Variants in RBFOX3 observed in about 807,000 individuals in gnomAD.
The protein encoded by RBFOX3 is RNA binding fox-1 homolog 3.
In RBFOX3, 17 loss-of-function variants were observed where a neutral mutation model predicts 48.7. The ratio of observed to expected loss-of-function variants is 0.35; its 90% CI spans 0.24 to 0.52. The LOEUF (loss-of-function observed/expected upper bound fraction) is 0.52, where lower values mean the gene tolerates loss of function less well. Among genes scored for constraint, RBFOX3 ranks in the 20% least tolerant of loss-of-function variants. The pLI is 0.94. For missense variants in RBFOX3, 382 were observed against 497.5 expected (o/e 0.77, Z 2.21); for synonymous variants, 212 against 209.5 (o/e 1.01, Z -0.10).
intron 3 of RBFOX3, among the ~76,000 whole-genome samples, chr17:79,271,233 G>A (rs1221699517): frequency 6.6e-6 from 1 of 152,112 alleles, no homozygotes; most frequent in Non-Finnish European, 1.5e-5. Flanking sequence ...CCGTCACCAT[G>A]CCCTGCTAAT....
intron 4 of RBFOX3, among the ~76,000 whole-genome samples, chr17:79,124,872 C>T (rs980189197): frequency 5.9e-5 from 9 of 151,648 alleles, no homozygotes; most frequent in Non-Finnish European, 8.8e-5. Flanking sequence ...CACTGGGAGG[C>T]TGTCGTCGGC....
intron 2 of RBFOX3, among the ~76,000 whole-genome samples, chr17:79,415,929 C>T (rs1276157574): frequency 6.6e-6 from 1 of 152,164 alleles, no homozygotes; most frequent in African/African-American, 2.4e-5. Flanking sequence ...CACCTCCTCA[C>T]CTGCAGACGC....
At chr17:79,301,286 G>T (rs1365559005) in intron 3 of RBFOX3, among the ~76,000 whole-genome samples, 1 of 152,232 alleles carries the variant, frequency 6.6e-6, no homozygotes, top group Non-Finnish European at 1.5e-5. Flanking sequence ...CTCTGGGGCT[G>T]CGAGTTGTCC....
chr17:79,578,725 A>T (rs2092945208), intron 1 of RBFOX3, among the ~76,000 whole-genome samples: 1 of 152,272 alleles, frequency 6.6e-6, no homozygotes, highest in African/African-American at 2.4e-5. Context: ...ATAAACATTT[A>T]AAAGGAAGTG....
intron 2 of RBFOX3, among the ~76,000 whole-genome samples, chr17:79,425,156 T>C (rs184646002): frequency 6.6e-6 from 1 of 152,284 alleles, no homozygotes; most frequent in African/African-American, 2.4e-5. Context: ...TGGGTTTCTG[T>C]CAGCTTCTAG....
At chr17:79,370,339 G>A (rs1377981980) in intron 2 of RBFOX3, among the ~76,000 whole-genome samples, 1 of 152,210 alleles carries the variant, frequency 6.6e-6, no homozygotes, top group East Asian at 1.9e-4. Flanking sequence ...CCCACCCAGG[G>A]CCTCACTTGA....
chr17:79,474,445 C>A (rs1395999085), intron 2 of RBFOX3, among the ~76,000 whole-genome samples: 1 of 152,182 alleles, frequency 6.6e-6, no homozygotes, highest in African/African-American at 2.4e-5. Flanking sequence ...CCCTCCTTTC[C>A]CTCAACGGAT....
intron 2 of RBFOX3, among the ~76,000 whole-genome samples, chr17:79,425,857 G>A (rs112135044): frequency 1.3e-5 from 2 of 152,144 alleles, no homozygotes; most frequent in Non-Finnish European, 1.5e-5. Context: ...ACAAGGAATG[G>A]TGAGGGCAGA....
At chr17:79,509,021 C>A (rs1033782418) in intron 1 of RBFOX3, among the ~76,000 whole-genome samples, 23 of 152,308 alleles carry the variant, frequency 1.5e-4, no homozygotes, top group African/African-American at 5.3e-4. Context: ...ACGTCCGGGC[C>A]CCCCGAAGGC....
chr17:79,270,120 C>T (rs754077920), intron 3 of RBFOX3, among the ~76,000 whole-genome samples: 10 of 152,184 alleles, frequency 6.6e-5, no homozygotes, highest in Non-Finnish European at 7.3e-5. Flanking sequence ...GGTTCTCCTC[C>T]GTCCTCCTTC....
intron 10 of RBFOX3, 76 bp from the exon 11 acceptor site, chr17:79,097,500 GC>G (rs376066148): frequency 1.4e-5 from 19 of 1,342,336 alleles, no homozygotes; most frequent in East Asian, 5.8e-5. Flanking sequence ...CGTACACCTA[GC>G]CCCCCCGCGC....
At chr17:79,309,357 C>T (rs2076531342) in intron 2 of RBFOX3, among the ~76,000 whole-genome samples, 2 of 152,222 alleles carry the variant, frequency 1.3e-5, no homozygotes, top group South Asian at 4.1e-4. Flanking sequence ...CACCCCGTGG[C>T]TCTGGCCCCG....
At chr17:79,606,951 AGAG>A (rs2093845362) in intron 1 of RBFOX3, among the ~76,000 whole-genome samples, 2 of 152,236 alleles carry the variant, frequency 1.3e-5, no homozygotes, top group Admixed American at 1.3e-4. Context: ...AGGACGTTAT[AGAG>A]GACAGGGATG....
Position 79,155,674 on chromosome 17 carries a change from C to G in RBFOX3, c.-33-39926G>C, listed in dbSNP as rs1358715087. ...GGCACGGAGATGAGAACGACCAACT[C>G]TCTGACCAGGGTGGGCAAGAGAATG... On this transcript the variant is annotated intron_variant, in intron 4 of 14. Coordinates refer to ENST00000693108, the MANE Select transcript of RBFOX3 (RefSeq NM_001350451.2). 1.1e-4 allele frequency among the ~76,000 whole-genome samples: 16 copies of G among 152,178 alleles called. No homozygotes were observed. The East Asian group carries it at 2.7e-3, about 26-fold the overall frequency.
the RBFOX3 span, among the ~76,000 whole-genome samples, chr17:79,656,606 A>G: frequency 6.8e-6 from 1 of 147,956 alleles, no homozygotes; most frequent in African/African-American, 2.5e-5. Context: ...AGAGTGAGCC[A>G]AGAAAGGAAA....
chr17:79,163,245 C>A (rs1462022657), intron 4 of RBFOX3, among the ~76,000 whole-genome samples: 1 of 152,214 alleles, frequency 6.6e-6, no homozygotes, highest in Non-Finnish European at 1.5e-5. Flanking sequence ...CGGCTGAACA[C>A]CAAGTGTCAC....
intron 1 of RBFOX3, among the ~76,000 whole-genome samples, chr17:79,545,242 C>T (rs1164157640): frequency 2.6e-5 from 4 of 152,186 alleles, no homozygotes; most frequent in South Asian, 2.1e-4. Flanking sequence ...GGAAGGGCGT[C>T]GAGGGTCCCC....
At chr17:79,230,762 G>A (rs2060943369) in intron 4 of RBFOX3, among the ~76,000 whole-genome samples, 1 of 152,088 alleles carries the variant, frequency 6.6e-6, no homozygotes. Context: ...TGACAGCCCT[G>A]TAGCTCGTCT....
At chr17:79,608,766 T>TGCGGTGA (rs1295982892) in intron 1 of RBFOX3, among the ~76,000 whole-genome samples, 231 of 149,486 alleles carry the variant, frequency 1.5e-3, no homozygotes, top group African/African-American at 5.4e-3. Context: ...TCCAGGAGTG[T>TGCGGTGA]GCGGTGAGCG....
Sources: allele counts gnomAD v4.1 joint callset (sites outside exome capture counted in the v4.1 genomes callset), GRCh38; gene constraint gnomAD v4.1.1; transcripts MANE v1.5; gene names NCBI Gene and HGNC (gene_info 2026-07-23, HGNC 2026-07-21).